Variants in ZNF142 observed in about 807,000 individuals in gnomAD.
ZNF142 encodes the protein zinc finger protein 142.
In ZNF142, 96 loss-of-function variants were observed where a neutral mutation model predicts 132.1. The ratio of observed to expected loss-of-function variants is 0.73; its 90% CI spans 0.62 to 0.86. ZNF142 has a LOEUF of 0.86. Ranked by LOEUF, ZNF142 falls within the 40% of genes least tolerant of loss-of-function variation. The pLI is 0.00. For missense variants in ZNF142, 2,163 were observed against 2,336.2 expected, an observed-to-expected ratio of 0.93 and a Z score of 1.53; for synonymous variants, 842 against 890.1, an observed-to-expected ratio of 0.95 and a Z score of 0.96.
In ZNF142 at chr2:218,636,537, A is replaced by G. The variant is rs1696765689; in HGVS notation, c.*1802T>C. The stretch of plus-strand genomic sequence containing the variant: ...CTCCGCCCAGCTTCCATCTTTGTGT[A>G]TATCTGCATCCAGGAAGGCCTGGAG... On this transcript the variant is annotated 3_prime_UTR_variant, in exon 11 of 11. Coordinates refer to ENST00000411696, the MANE Select transcript of ZNF142 (RefSeq NM_001379659.1). 1 of 1,613,970 alleles carries G rather than the reference A, an allele frequency of 6.2e-7. No homozygotes were observed. Among genetic ancestry groups the G allele is most frequent in the Admixed American group, 1.7e-5 (1 of 60,016 alleles).
In ZNF142 at chr2:218,638,336, CTT is replaced by C. The variant is rs901335362; in HGVS notation, c.*1_*2del. On this transcript the variant is annotated 3_prime_UTR_variant, in exon 11 of 11. Coordinates refer to ENST00000411696, the MANE Select transcript of ZNF142 (RefSeq NM_001379659.1). Reference sequence around the variant, plus strand: ...CTTCCTATACAGGAGGTGGGGCAGGCTTTCAGCCCTCAGGTCCAGTGTGGGGA... The same window carrying C: ...CTTCCTATACAGGAGGTGGGGCAGGCTCAGCCCTCAGGTCCAGTGTGGGGA... The C allele has an allele frequency of 6.6e-7, 1 of 1,510,918 alleles. No individual in the cohort carries two copies. The highest frequency in any genetic ancestry group is 8.8e-7 in the Non-Finnish European group (1 of 1,130,080). 93.6% of individuals were successfully genotyped at this position (1,510,918 alleles called of 1,614,324 possible).
rs747679041 is a variant in ZNF142 at position 218,644,926 on chromosome 2, G to GT, written c.2189dup (p.His730GlnfsTer34). ...TGCCAGGGTGGTGCTGGGAAGCCAT[G>GT]TGCTTCTGCAGCTCATACTTCCGCT... On this transcript the variant is annotated frameshift_variant, in exon 9 of 11. Coordinates refer to ENST00000411696, the MANE Select transcript of ZNF142 (RefSeq NM_001379659.1). LOFTEE classifies it high-confidence loss of function. The surrounding 1 kb of genome is among the most constrained non-coding windows in gnomAD (Gnocchi z 4.6). 2 of 1,614,050 alleles carry GT rather than the reference G, an allele frequency of 1.2e-6. No individual in the cohort carries two copies. Among genetic ancestry groups the GT allele is most frequent in the Non-Finnish European group, 1.7e-6 (2 of 1,179,948 alleles).
chr2:218,642,730 A>C lies in ZNF142; in HGVS notation c.4386T>G (p.Cys1462Trp). Residue 1462 changes from cysteine to tryptophan, a missense_variant, in exon 9 of 11, where the codon TGT becomes TGG. Coordinates refer to ENST00000411696, the MANE Select transcript of ZNF142 (RefSeq NM_001379659.1). This position sits in a 1 kb window ranked among gnomAD's most constrained non-coding sequence, Gnocchi z 4.6. ...DKTPTHFCPL[C>W]DYSGYLRHDI... is the part of the protein sequence containing the mutation. Reference sequence around the variant, plus strand: ...CATGGCGAAGGTAGCCACTATAGTCACAAAGTGGACAGAAGTGGGTAGGTG... The same window carrying C: ...CATGGCGAAGGTAGCCACTATAGTCCCAAAGTGGACAGAAGTGGGTAGGTG... 2 of 1,614,188 alleles carry C rather than the reference A, an allele frequency of 1.2e-6. No homozygotes were observed. The highest frequency in any genetic ancestry group is 2.2e-5 in the South Asian group (2 of 91,090).
At chr2:218,639,657 A>G (rs997098915) in intron 10 of ZNF142, among the ~76,000 whole-genome samples, 3 of 147,202 alleles carry the variant, frequency 2.0e-5, no homozygotes, top group Non-Finnish European at 4.5e-5. Flanking sequence ...ATGTGCACCC[A>G]GGAGTTTGAG....
In ZNF142 at chr2:218,633,817, G is replaced by A. The variant is rs746703087; in HGVS notation, c.*4522C>T. 3 of 1,589,026 alleles carry A rather than the reference G, an allele frequency of 1.9e-6. No individual in the cohort carries two copies. The highest frequency in any genetic ancestry group is 1.1e-5 in the South Asian group (1 of 90,028). On this transcript the variant is annotated 3_prime_UTR_variant, in exon 11 of 11. Coordinates refer to ENST00000411696, the MANE Select transcript of ZNF142 (RefSeq NM_001379659.1). The stretch of plus-strand genomic sequence containing the variant: ...AAGTGGGATGGATAGGTTCAGGCCT[G>A]ATGGACTGGCAGGTAAGTCCCAAGA...
Position 218,651,901 on chromosome 2 carries a change from A to G in ZNF142, c.680T>C (p.Phe227Ser). 7.8e-7 allele frequency: 1 copy of G among 1,286,072 alleles called. No homozygotes were observed. 79.7% of individuals were successfully genotyped at this position (1,286,072 alleles called of 1,614,324 possible). The change falls in exon 5 of 11, where the codon TTC becomes TCC. Residue 227 changes from phenylalanine to serine, a missense_variant. Phe to Ser is a radical substitution (Grantham distance 155). Transcript: ENST00000411696. Reference protein sequence around the residue: ...THRAVPVPCSFRGCPLLFGSQ... With the variant: ...THRAVPVPCSSRGCPLLFGSQ... Reference sequence around the variant, plus strand: ...CCCGAAAAGCAGGGGGCAGCCCCGGAAAGAACAGGGCACAGGAACTGCTCT... The same window carrying G: ...CCCGAAAAGCAGGGGGCAGCCCCGGGAAGAACAGGGCACAGGAACTGCTCT...
chr2:218,640,524 C>T, intron 10 of ZNF142, 140 bp downstream of exon 10: 1 of 717,196 alleles, frequency 1.4e-6, no homozygotes. Flanking sequence ...CATTCTGGCA[C>T]ATACAACCCC....
Position 218,636,741 on chromosome 2 carries a change from G to A in ZNF142, c.*1598C>T. On this transcript the variant is annotated 3_prime_UTR_variant, in exon 11 of 11. Coordinates refer to ENST00000411696, the MANE Select transcript of ZNF142 (RefSeq NM_001379659.1). ...CTTCCTAACAAGCAATCTGGGACCT[G>A]ATTTTCCACCTTTTTTCTCTTTTCT... The A allele has an allele frequency of 1.3e-6, 1 of 747,906 alleles. No homozygotes were observed. Among genetic ancestry groups the A allele is most frequent in the South Asian group, 1.7e-5 (1 of 59,414 alleles). 46.3% of individuals were successfully genotyped at this position (747,906 alleles called of 1,614,324 possible).
rs1233927863 is a variant in ZNF142 at position 218,658,761 on chromosome 2, G to A, written c.-95C>T. The A allele has an allele frequency of 6.6e-6, 1 of 152,166 alleles. No individual in the cohort carries two copies. 9.4% of individuals were successfully genotyped at this position (152,166 alleles called of 1,614,324 possible). The stretch of plus-strand genomic sequence containing the variant: ...TGACCATACATGGCCTCCGGGGGGA[G>A]CCAAGGAGGACGCTGAGCCGTCAAG... On this transcript the variant is annotated 5_prime_UTR_variant, in exon 3 of 11. Transcript: ENST00000411696.
At position 218,637,169 on chromosome 2, in the gene ZNF142, T is replaced by C; in HGVS notation, c.*1170A>G. 1 of 247,798 alleles carries C rather than the reference T, an allele frequency of 4.0e-6. No individual in the cohort carries two copies. The highest frequency in any genetic ancestry group is 1.1e-4 in the East Asian group (1 of 9,232). The allele number at this position is 247,798 out of a possible 1,614,324, so 15.3% of individuals were successfully genotyped here. A position where few individuals can be genotyped will look rare whatever the true frequency, so the allele number is the denominator to read the frequency against. Reference sequence around the variant, plus strand: ...AGCCCCACTGGTATAAATACATCTCTCTCCAATTTGGCTTCAATATGGTCT... The same window carrying C: ...AGCCCCACTGGTATAAATACATCTCCCTCCAATTTGGCTTCAATATGGTCT... On this transcript the variant is annotated 3_prime_UTR_variant, in exon 11 of 11. Coordinates refer to ENST00000411696, the MANE Select transcript of ZNF142 (RefSeq NM_001379659.1).
chr2:218,648,497 G>A (rs1937642437), intron 7 of ZNF142, 138 bp downstream of exon 7: 1 of 796,336 alleles, frequency 1.3e-6, no homozygotes, highest in African/African-American at 1.7e-5. Flanking sequence ...TCAACTTAAG[G>A]CTCATTTGTA....
rs1383273106 is a variant in ZNF142, at chr2:218,636,014, T to C, written c.*2325A>G. 3.8e-6 allele frequency: 6 copies of C among 1,589,924 alleles called. No individual in the cohort carries two copies. The highest frequency in any genetic ancestry group is 5.2e-6 in the Non-Finnish European group (6 of 1,163,418). Reference sequence around the variant, plus strand: ...AGTCTGTCTTCCATTAAGTATAGCATCTGTTATTGCATGTCCCCACATGGG... The same window carrying C: ...AGTCTGTCTTCCATTAAGTATAGCACCTGTTATTGCATGTCCCCACATGGG... On this transcript the variant is annotated 3_prime_UTR_variant, in exon 11 of 11. Coordinates refer to ENST00000411696, the MANE Select transcript of ZNF142 (RefSeq NM_001379659.1).
chr2:218,651,802 G>A lies in ZNF142; in HGVS notation c.779C>T (p.Ser260Phe), dbSNP rs1395236683. The change falls in exon 5 of 11, where the codon TCC becomes TTC. Residue 260 changes from serine (S) to phenylalanine (F), a missense_variant. Physicochemically the swap from Ser to Phe is radical, Grantham distance 155. Coordinates refer to ENST00000411696, the MANE Select transcript of ZNF142 (RefSeq NM_001379659.1). ...FHCSHCSFIG[S>F]NVKLFRQHQR... ...ATGCTGCCGGAAGAGTTTGACGTTG[G>A]AGCCTATGAAGCTGCAGTGGCTGCA... is the stretch of plus-strand genomic sequence containing the variant. The A allele has an allele frequency of 7.8e-7, 1 of 1,289,890 alleles. No individual in the cohort carries two copies. The highest frequency in any genetic ancestry group is 1.0e-6 in the Non-Finnish European group (1 of 988,890). 79.9% of individuals were successfully genotyped at this position (1,289,890 alleles called of 1,614,324 possible).
Position 218,633,372 on chromosome 2 carries a change from A to G in ZNF142, c.*4967T>C. ...GTACATGCAGACCGCCTTTATTCCC[A>G]TTCCCACCCCCAGGTTGTGACGTGC... On this transcript the variant is annotated 3_prime_UTR_variant, in exon 11 of 11. Transcript: ENST00000411696. 1.4e-6 allele frequency: 1 copy of G among 705,044 alleles called. No individual in the cohort carries two copies. Among genetic ancestry groups the G allele is most frequent in the Non-Finnish European group, 2.6e-6 (1 of 386,520 alleles). 43.7% of individuals were successfully genotyped at this position (705,044 alleles called of 1,614,324 possible).
In ZNF142 at chr2:218,636,476, C is replaced by T. The variant is rs370527020; in HGVS notation, c.*1863G>A. 40 of 1,614,002 alleles carry T rather than the reference C, an allele frequency of 2.5e-5. No individual in the cohort carries two copies. Among genetic ancestry groups the T allele is most frequent in the Middle Eastern group, 1.6e-4 (1 of 6,062 alleles). ...TGTCCTCCTGCCCCTTCCAGGTTAC[C>T]GCCACATTCACCTGCTGTCCAAAGA... On this transcript the variant is annotated 3_prime_UTR_variant, in exon 11 of 11. Coordinates refer to ENST00000411696, the MANE Select transcript of ZNF142 (RefSeq NM_001379659.1).
chr2:218,637,114 C>G lies in ZNF142; in HGVS notation c.*1225G>C. The G allele has an allele frequency of 6.0e-6, 2 of 334,402 alleles. No individual in the cohort carries two copies. The highest frequency in any genetic ancestry group is 4.9e-5 in the South Asian group (2 of 40,618). The allele number at this position is 334,402 out of a possible 1,614,324, so 20.7% of individuals were successfully genotyped here. On this transcript the variant is annotated 3_prime_UTR_variant, in exon 11 of 11. Transcript: ENST00000411696. ...TCTTAAGAGAACACTGCACAGCACTCAAAGTCCCCCACTGGACTGCTTCCT... is the reference window on the plus strand; with the variant it reads ...TCTTAAGAGAACACTGCACAGCACTGAAAGTCCCCCACTGGACTGCTTCCT...
chr2:218,636,411 C>A lies in ZNF142; in HGVS notation c.*1928G>T. 5.6e-6 allele frequency: 9 copies of A among 1,613,840 alleles called. No homozygotes were observed. Among genetic ancestry groups the A allele is most frequent in the South Asian group, 1.1e-5 (1 of 91,076 alleles). On this transcript the variant is annotated 3_prime_UTR_variant, in exon 11 of 11. Coordinates refer to ENST00000411696, the MANE Select transcript of ZNF142 (RefSeq NM_001379659.1). ...CAACAAGGTGAGCCAGCCCCTTTGG[C>A]CCCTGGCCAATACCCCAGCTCTGGC...
intron 10 of ZNF142, among the ~76,000 whole-genome samples, chr2:218,640,106 A>G (rs1312417663): frequency 7.2e-6 from 1 of 139,042 alleles, no homozygotes; most frequent in Non-Finnish European, 1.6e-5. Context: ...CTTAGGAGGG[A>G]AGAGGTAGAG....
rs1697482533 is a variant in ZNF142, at chr2:218,643,841, AG to A, written c.3274del (p.Leu1092TyrfsTer125). On this transcript the variant is annotated frameshift_variant, in exon 9 of 11. Coordinates refer to ENST00000411696, the MANE Select transcript of ZNF142 (RefSeq NM_001379659.1). LOFTEE classifies it high-confidence loss of function. Reference protein sequence around the residue: ...STHLLKKCPVLLRKNKGLPRP... With the variant: ...STHLLKKCPVXLRKNKGLPRP... ...GGGCAAGCCCTTGTTCTTTCTGAGT[AG>A]AACAGGGCACTTCTTCAGCAGGTGG... 6.2e-7 allele frequency: 1 copy of A among 1,613,892 alleles called. No individual in the cohort carries two copies. Among genetic ancestry groups the A allele is most frequent in the East Asian group, 2.2e-5 (1 of 44,872 alleles).
Sources: gnomAD v4.1 joint callset for allele counts (sites outside exome capture counted in the v4.1 genomes callset) on GRCh38, gnomAD v4.1.1 for gene constraint, Gnocchi (gnomAD v3.1) non-coding constraint, MANE v1.5 for transcripts, NCBI Gene and HGNC (gene_info 2026-07-23, HGNC 2026-07-21) for gene names.